The following TRPM3 variants were observed in gnomAD, a reference collection of about 807,000 sequenced individuals.
TRPM3 encodes the protein long transient receptor potential channel 3.
In TRPM3, 77 loss-of-function variants were observed where a neutral mutation model predicts 181.2. That is an observed-to-expected ratio of 0.42 (90% CI 0.35 to 0.51). The LOEUF (loss-of-function observed/expected upper bound fraction) is 0.51, where lower values mean the gene tolerates loss of function less well. TRPM3 is among the 20% of genes least tolerant of loss of function. The probability of loss-of-function intolerance (pLI) is 0.01; values close to 1 mark genes in which losing one functional copy is unlikely to be tolerated. For missense variants in TRPM3, 1,759 were observed against 2,196.7 expected, an observed-to-expected ratio of 0.80 and a Z score of 3.98; for synonymous variants, 745 against 796.4, an observed-to-expected ratio of 0.94 and a Z score of 1.09.
In TRPM3 at chr9:70,854,031, C is replaced by T. The variant is rs1381379414; in HGVS notation, c.463-7440G>A. On this transcript the variant is annotated intron_variant, in intron 3 of 25. Transcript: ENST00000677713. ...CCAGGTGCTTTAATACAGCAGTTAA[C>T]TCATGTGCCGACTCAGCAGCTCCAC... is the stretch of plus-strand genomic sequence containing the variant. Among the ~76,000 whole-genome samples, 3 of 152,294 alleles carry T rather than the reference C, an allele frequency of 2.0e-5. No individual in the cohort carries two copies. In the South Asian group the frequency reaches 6.2e-4, roughly 32 times the overall value.
At chr9:70,629,485 GCCA>G (rs1334989302) in intron 12 of TRPM3, among the ~76,000 whole-genome samples, 1 of 151,990 alleles carries the variant, frequency 6.6e-6, no homozygotes, top group Admixed American at 6.6e-5. Context: ...ACAGGCATGT[GCCA>G]TCATGCCAGC....
At chr9:71,245,070 G>C (rs1426363116) in intron 1 of TRPM3, among the ~76,000 whole-genome samples, 1 of 152,118 alleles carries the variant, frequency 6.6e-6, no homozygotes, top group African/African-American at 2.4e-5. Flanking sequence ...CACAGCATTG[G>C]CAAGTCCAAG....
At chr9:71,430,498 A>G (rs1318240342) in intron 1 of TRPM3, among the ~76,000 whole-genome samples, 1 of 152,160 alleles carries the variant, frequency 6.6e-6, no homozygotes, top group East Asian at 1.9e-4. Flanking sequence ...AGTTTTTATA[A>G]GCATACAGAG....
chr9:70,568,953 A>T (rs2132125364), intron 22 of TRPM3, among the ~76,000 whole-genome samples: 1 of 152,356 alleles, frequency 6.6e-6, no homozygotes, highest in Non-Finnish European at 1.5e-5. Flanking sequence ...CTTTGGAACC[A>T]CATCTATGTA....
At chr9:70,787,617 A>G (rs1367625162) in intron 6 of TRPM3, among the ~76,000 whole-genome samples, 1 of 152,166 alleles carries the variant, frequency 6.6e-6, no homozygotes, top group Non-Finnish European at 1.5e-5. Flanking sequence ...TCAGATAACT[A>G]GTAATGACCT....
chr9:71,401,876 A>G (rs2093346757), intron 1 of TRPM3, among the ~76,000 whole-genome samples: 1 of 152,216 alleles, frequency 6.6e-6, no homozygotes, highest in Admixed American at 6.5e-5. Flanking sequence ...CCAGCTGAGC[A>G]GCCTTCAGGC....
intron 5 of TRPM3, 149 bp downstream of exon 5, chr9:70,842,854 C>T: frequency 1.4e-6 from 1 of 710,344 alleles, no homozygotes. Context: ...AAATATTTTC[C>T]CAAGATACCA....
chr9:70,879,569 C>A (rs956795810), intron 1 of TRPM3, among the ~76,000 whole-genome samples: 4 of 152,028 alleles, frequency 2.6e-5, no homozygotes, highest in African/African-American at 9.7e-5. Flanking sequence ...TCATTTAGGG[C>A]AGGGACCAGA....
intron 1 of TRPM3, among the ~76,000 whole-genome samples, chr9:71,131,986 G>A (rs1162286882): frequency 6.6e-6 from 1 of 152,126 alleles, no homozygotes; most frequent in Non-Finnish European, 1.5e-5. Context: ...ATACCTTTAT[G>A]AAGGCAACTC....
At chr9:70,778,816 T>C (rs1241628493) in intron 7 of TRPM3, among the ~76,000 whole-genome samples, 1 of 152,134 alleles carries the variant, frequency 6.6e-6, no homozygotes, top group African/African-American at 2.4e-5. Context: ...TGGAAATCTC[T>C]GGAGCAGCAG....
At chr9:71,131,488 A>G (rs1260205730) in intron 1 of TRPM3, among the ~76,000 whole-genome samples, 3 of 152,238 alleles carry the variant, frequency 2.0e-5, no homozygotes, top group Admixed American at 2.0e-4. Flanking sequence ...ATCCTTGCAG[A>G]CTGTCTGGAA....
chr9:70,799,553 T>C (rs2088282804), intron 6 of TRPM3, among the ~76,000 whole-genome samples: 1 of 152,210 alleles, frequency 6.6e-6, no homozygotes, highest in Non-Finnish European at 1.5e-5. Context: ...CTTGTTTCCA[T>C]GTGCAGGGAG....
At chr9:71,190,100 C>T (rs896611898) in intron 1 of TRPM3, among the ~76,000 whole-genome samples, 1 of 151,750 alleles carries the variant, frequency 6.6e-6, no homozygotes, top group African/African-American at 2.4e-5. Context: ...AAAGAGCAAA[C>T]CAAATACCTT....
chr9:70,934,936 A>T (rs1037535835), intron 1 of TRPM3, among the ~76,000 whole-genome samples: 1 of 152,180 alleles, frequency 6.6e-6, no homozygotes. Flanking sequence ...TACAAATTCC[A>T]CAGGTGAGAT....
chr9:70,581,134 A>G (rs2055535643), intron 22 of TRPM3, among the ~76,000 whole-genome samples: 1 of 152,368 alleles, frequency 6.6e-6, no homozygotes, highest in African/African-American at 2.4e-5. Flanking sequence ...ATATATGTCC[A>G]GTGTAAAATG....
chr9:70,952,227 C>G (rs759057213), intron 1 of TRPM3, among the ~76,000 whole-genome samples: 1 of 152,174 alleles, frequency 6.6e-6, no homozygotes, highest in Admixed American at 6.6e-5. Flanking sequence ...CAGCCTGATT[C>G]CATAGCCTGG....
intron 21 of TRPM3, among the ~76,000 whole-genome samples, chr9:70,595,483 G>C (rs1002739981): frequency 6.6e-6 from 1 of 152,144 alleles, no homozygotes; most frequent in Non-Finnish European, 1.5e-5. Context: ...ATGATACACA[G>C]GACAGCTTCC....
chr9:70,573,207 C>T (rs11142488), intron 22 of TRPM3, among the ~76,000 whole-genome samples: 15,911 of 152,186 alleles, frequency 0.1, 890 homozygotes, highest in Middle Eastern at 0.16. Context: ...GACACAAATG[C>T]AGACAGATGT....
chr9:71,111,377 A>C (rs1324193350), intron 1 of TRPM3, among the ~76,000 whole-genome samples: 1 of 152,226 alleles, frequency 6.6e-6, no homozygotes, highest in Non-Finnish European at 1.5e-5. Context: ...GGAAATGTTT[A>C]AACAGTGTTG....
Sources: gnomAD v4.1 joint callset for allele counts (sites outside exome capture counted in the v4.1 genomes callset) on GRCh38, gnomAD v4.1.1 for gene constraint, MANE v1.5 for transcripts, NCBI Gene and HGNC (gene_info 2026-07-23, HGNC 2026-07-21) for gene names.